The following SCG5 variants were observed in gnomAD, a reference collection of about 807,000 sequenced individuals.
SCG5 encodes neuroendocrine protein 7B2.
Under a neutral mutation model 25.7 loss-of-function variants are expected in SCG5, and 18 were observed. The observed-to-expected ratio is 0.70, with a 90% CI of 0.48 to 1.04. SCG5 has a LOEUF of 1.04. Among genes scored for constraint, SCG5 ranks in the 50% least tolerant of loss-of-function variants. SCG5 has a pLI of 0.00. For missense variants in SCG5, 206 were observed against 259.8 expected, an observed-to-expected ratio of 0.79 and a Z score of 1.42; for synonymous variants, 101 against 91.7, an observed-to-expected ratio of 1.10 and a Z score of -0.58.
chr15:32,675,554 G>C (rs2054516315), intron 2 of SCG5, among the ~76,000 whole-genome samples: 1 of 152,194 alleles, frequency 6.6e-6, no homozygotes. Flanking sequence ...TATTGTGTTA[G>C]TCATGGGTAA....
rs370203883 is a variant in SCG5, at chr15:32,696,505, G to T, written c.544-9G>T. On this transcript the variant is annotated splice_polypyrimidine_tract_variant and intron_variant, in intron 5 of 5. Coordinates refer to ENST00000300175, the MANE Select transcript of SCG5 (RefSeq NM_001144757.3). The stretch of plus-strand genomic sequence containing the variant: ...CAAACCACATGGTTTTTGTTTGTTT[G>T]TTTTTCAGAGTGTCAATCCATATCT... The T allele has an allele frequency of 7.3e-5, 117 of 1,595,384 alleles. No homozygotes were observed. The highest frequency in any genetic ancestry group is 3.2e-4 in the Admixed American group (19 of 59,530).
intron 4 of SCG5, among the ~76,000 whole-genome samples, chr15:32,690,466 A>G (rs1399794768): frequency 6.6e-6 from 1 of 152,240 alleles, no homozygotes; most frequent in African/African-American, 2.4e-5. Context: ...CCTCAAGGAA[A>G]TGATCTGCAA....
chr15:32,673,931 G>A (rs887808119), intron 2 of SCG5, among the ~76,000 whole-genome samples: 2 of 152,078 alleles, frequency 1.3e-5, no homozygotes, highest in African/African-American at 4.8e-5. Flanking sequence ...ATCTTGGCCA[G>A]GCTGGTCTTG....
rs79458244 is a variant in SCG5, at chr15:32,662,627, C to A, written c.227-17139C>A. 6.7e-4 allele frequency among the ~76,000 whole-genome samples: 102 copies of A among 152,178 alleles called. No homozygotes were observed. The East Asian group carries it at 7.6e-3, about 11-fold the overall frequency. ...AACTACAGTTCTTTAAGCTATTTAGCAGCAGTAGAGGAAGACTTGAGGCAA... is the reference window on the plus strand; with the variant it reads ...AACTACAGTTCTTTAAGCTATTTAGAAGCAGTAGAGGAAGACTTGAGGCAA... On this transcript the variant is annotated intron_variant, in intron 2 of 5. Transcript: ENST00000300175.
intron 2 of SCG5, among the ~76,000 whole-genome samples, chr15:32,646,526 T>G (rs1022732393): frequency 2.6e-5 from 4 of 152,234 alleles, no homozygotes; most frequent in Admixed American, 6.5e-5. Flanking sequence ...TAATGTAATA[T>G]GATCCTGGGA....
intron 5 of SCG5, among the ~76,000 whole-genome samples, chr15:32,693,258 C>T (rs146470100): frequency 1.4e-4 from 22 of 152,316 alleles, no homozygotes; most frequent in Admixed American, 1.0e-3. Flanking sequence ...ACCATGGTCA[C>T]GATTTAGGTC....
At chr15:32,691,073 A>G (rs2054846732) in intron 4 of SCG5, among the ~76,000 whole-genome samples, 1 of 152,186 alleles carries the variant, frequency 6.6e-6, no homozygotes, top group African/African-American at 2.4e-5. Context: ...GAAATACAGC[A>G]ATGTGTGGAA....
chr15:32,691,408 T>G (rs2054853428), intron 4 of SCG5, among the ~76,000 whole-genome samples: 1 of 152,174 alleles, frequency 6.6e-6, no homozygotes, highest in Non-Finnish European at 1.5e-5. Context: ...CTGTTCAAAG[T>G]GAGGAGATGG....
intron 2 of SCG5, among the ~76,000 whole-genome samples, chr15:32,662,909 G>A (rs966823507): frequency 6.6e-6 from 1 of 151,318 alleles, no homozygotes; most frequent in Non-Finnish European, 1.5e-5. Flanking sequence ...TGATTGGAGT[G>A]CCATTCATAC....
chr15:32,675,299 C>A (rs927546604), intron 2 of SCG5, among the ~76,000 whole-genome samples: 2 of 152,144 alleles, frequency 1.3e-5, no homozygotes, highest in African/African-American at 2.4e-5. Flanking sequence ...GATTTTGAAA[C>A]CTCACAAGCT....
chr15:32,651,773 G>A lies in SCG5; in HGVS notation c.226+7955G>A, dbSNP rs528571715. 2.5e-4 allele frequency among the ~76,000 whole-genome samples: 38 copies of A among 152,308 alleles called. No homozygotes were observed. In the East Asian group the frequency reaches 3.3e-3, roughly 13 times the overall value. On this transcript the variant is annotated intron_variant, in intron 2 of 5. Transcript: ENST00000300175. The stretch of plus-strand genomic sequence containing the variant: ...TAGTAATGAGAAATTCAAAAGAAAC[G>A]GGGAGGTTCTTTTTGGGAGGGGAAA...
chr15:32,659,708 T>C (rs1248247765), intron 2 of SCG5, among the ~76,000 whole-genome samples: 1 of 152,144 alleles, frequency 6.6e-6, no homozygotes, highest in Non-Finnish European at 1.5e-5. Context: ...CAGGCCTGTG[T>C]CAACAAGCCC....
chr15:32,657,213 G>GTATATATATATA (rs2054136011), intron 2 of SCG5, among the ~76,000 whole-genome samples: 1 of 16,272 alleles, frequency 6.1e-5, no homozygotes, highest in African/African-American at 1.6e-4. Context: ...ATATATATAT[G>GTATATATATATA]TATGTATTTC....
At chr15:32,670,327 G>T (rs1042024906) in intron 2 of SCG5, among the ~76,000 whole-genome samples, 2 of 152,234 alleles carry the variant, frequency 1.3e-5, no homozygotes, top group Admixed American at 6.5e-5. Flanking sequence ...GAGGGACCAG[G>T]CTCGAATTCA....
At chr15:32,648,999 T>G (rs981733755) in intron 2 of SCG5, among the ~76,000 whole-genome samples, 16 of 152,124 alleles carry the variant, frequency 1.1e-4, no homozygotes, top group African/African-American at 3.9e-4. Context: ...CTCGTGATCC[T>G]CCCGCCTTGG....
At chr15:32,656,948 G>A (rs561576774) in intron 2 of SCG5, among the ~76,000 whole-genome samples, 4 of 151,620 alleles carry the variant, frequency 2.6e-5, no homozygotes, top group Non-Finnish European at 4.4e-5. Context: ...AGCAGGAAGA[G>A]CACTGAGGCA....
intron 5 of SCG5, chr15:32,692,264 T>C (rs2054872903): frequency 1.0e-6 from 1 of 987,846 alleles, no homozygotes; most frequent in South Asian, 4.7e-5. Context: ...TCTTTTTTTC[T>C]TGGCCTAGCC....
At chr15:32,653,333 C>T (rs1290889567) in intron 2 of SCG5, among the ~76,000 whole-genome samples, 1 of 152,198 alleles carries the variant, frequency 6.6e-6, no homozygotes, top group Non-Finnish European at 1.5e-5. Flanking sequence ...AACTAGATAA[C>T]AACTCCTGAA....
At chr15:32,649,595 C>T (rs1041612934) in intron 2 of SCG5, among the ~76,000 whole-genome samples, 6 of 151,856 alleles carry the variant, frequency 4.0e-5, no homozygotes, top group African/African-American at 1.5e-4. Context: ...GCCTCCTGGT[C>T]GTTAATAGCT....
Sources: allele counts gnomAD v4.1 joint callset (sites outside exome capture counted in the v4.1 genomes callset), GRCh38; gene constraint gnomAD v4.1.1; transcripts MANE v1.5; gene names NCBI Gene and HGNC (gene_info 2026-07-23, HGNC 2026-07-21).